The following ALCAM variants were observed in gnomAD, a reference collection of about 807,000 sequenced individuals.
ALCAM encodes the protein CD166 antigen.
A neutral mutation model predicts 70.9 loss-of-function variants in ALCAM; 30 were observed. The ratio of observed to expected loss-of-function variants is 0.42; its 90% CI spans 0.32 to 0.57. The LOEUF (loss-of-function observed/expected upper bound fraction) is 0.57, where lower values mean the gene tolerates loss of function less well. Ranked by LOEUF, ALCAM falls within the 20% of genes least tolerant of loss-of-function variation. The pLI is 0.11. For missense variants in ALCAM, 591 were observed against 695.1 expected, an observed-to-expected ratio of 0.85 and a Z score of 1.68; for synonymous variants, 249 against 242.5, an observed-to-expected ratio of 1.03 and a Z score of -0.25.
At chr3:105,402,938 C>CTTTTTTTTTTTTTTTTTT (rs58126212) in intron 1 of ALCAM, among the ~76,000 whole-genome samples, 1 of 117,254 alleles carries the variant, frequency 8.5e-6, no homozygotes, top group Non-Finnish European at 1.8e-5. Context: ...AGCTGATGCG[C>CTTTTTTTTTTTTTTTTTT]TTTTTTTTTT....
chr3:105,532,902 G>T (rs1353331122), intron 4 of ALCAM, among the ~76,000 whole-genome samples: 3 of 152,170 alleles, frequency 2.0e-5, no homozygotes, highest in Admixed American at 6.5e-5. Context: ...TTGAAGTAAA[G>T]AGGTGAGATC....
intron 6 of ALCAM, among the ~76,000 whole-genome samples, chr3:105,538,712 AG>A (rs1450347015): frequency 6.6e-6 from 1 of 152,144 alleles, no homozygotes; most frequent in Non-Finnish European, 1.5e-5. Flanking sequence ...CGGAAACGGA[AG>A]GTCAGCAGGG....
chr3:105,536,557 G>A (rs1385019614), intron 6 of ALCAM, among the ~76,000 whole-genome samples: 1 of 152,174 alleles, frequency 6.6e-6, no homozygotes, highest in South Asian at 2.1e-4. Flanking sequence ...GAGTTGGGTA[G>A]ACGGAGAAGT....
rs181314712 is a variant in ALCAM, at chr3:105,492,038, T to G, written c.74-28029T>G. Among the ~76,000 whole-genome samples the G allele has an allele frequency of 4.8e-4, 73 of 152,062 alleles. 1 individual carries two copies. Among genetic ancestry groups the G allele is most frequent in the Non-Finnish European group, 1.0e-3 (68 of 67,980 alleles). ...CTGGATAATTTATAAAGGAAAGAGGTTTAATGGACTCACAGTTCAGTATGG... is the reference window on the plus strand; with the variant it reads ...CTGGATAATTTATAAAGGAAAGAGGGTTAATGGACTCACAGTTCAGTATGG... On this transcript the variant is annotated intron_variant, in intron 1 of 15. Coordinates refer to ENST00000306107, the MANE Select transcript of ALCAM (RefSeq NM_001627.4).
At chr3:105,456,786 A>C (rs964187069) in intron 1 of ALCAM, among the ~76,000 whole-genome samples, 1 of 152,196 alleles carries the variant, frequency 6.6e-6, no homozygotes, top group Non-Finnish European at 1.5e-5. Context: ...AGACAAATGC[A>C]TAAGAGCTTC....
rs1395584800 is a variant in ALCAM at position 105,576,053 on chromosome 3, T to C, written c.*1602T>C. The C allele has an allele frequency of 6.6e-6, 1 of 152,264 alleles. No homozygotes were observed. Among genetic ancestry groups the C allele is most frequent in the African/African-American group, 2.4e-5 (1 of 41,440 alleles). 9.4% of individuals were successfully genotyped at this position (152,264 alleles called of 1,614,324 possible). A position where few individuals can be genotyped will look rare whatever the true frequency, so the allele number is the denominator to read the frequency against. On this transcript the variant is annotated 3_prime_UTR_variant, in exon 16 of 16. Transcript: ENST00000306107. Reference sequence around the variant, plus strand: ...ATAGTGACTCCGTTTAATAAAAGCTTCCGTAGTGCATTGGTATGGATTAAA... The same window carrying C: ...ATAGTGACTCCGTTTAATAAAAGCTCCCGTAGTGCATTGGTATGGATTAAA...
chr3:105,518,289 A>G (rs1939434752), intron 1 of ALCAM, among the ~76,000 whole-genome samples: 1 of 152,142 alleles, frequency 6.6e-6, no homozygotes. Context: ...TAAGGTATAG[A>G]GATGGATCCT....
chr3:105,386,746 C>A (rs1194655626), intron 1 of ALCAM, among the ~76,000 whole-genome samples: 1 of 151,304 alleles, frequency 6.6e-6, no homozygotes, highest in African/African-American at 2.4e-5. Context: ...AAAGTATATT[C>A]TTTCCCATCA....
intron 1 of ALCAM, among the ~76,000 whole-genome samples, chr3:105,379,487 GA>G (rs1193823817): frequency 6.6e-6 from 1 of 151,308 alleles, no homozygotes; most frequent in Non-Finnish European, 1.5e-5. Context: ...AAAAAAAAGA[GA>G]AAAAAACACG....
intron 1 of ALCAM, among the ~76,000 whole-genome samples, chr3:105,442,500 G>T: frequency 6.6e-6 from 1 of 152,024 alleles, no homozygotes; most frequent in Admixed American, 6.6e-5. Flanking sequence ...GAGTAAATTC[G>T]GCCAGGCGCG....
intron 1 of ALCAM, among the ~76,000 whole-genome samples, chr3:105,512,073 CTT>C (rs1335156271): frequency 6.6e-6 from 1 of 151,850 alleles, no homozygotes; most frequent in African/African-American, 2.4e-5. Context: ...GGCTAAAAGT[CTT>C]TGTGATATAT....
intron 1 of ALCAM, chr3:105,439,205 G>T (rs1485050235): frequency 6.6e-6 from 1 of 152,164 alleles, no homozygotes; most frequent in Non-Finnish European, 1.5e-5. Flanking sequence ...AAGAACTTTA[G>T]AATCATTAAT....
intron 1 of ALCAM, among the ~76,000 whole-genome samples, 175 bp from the exon 2 acceptor site, chr3:105,519,892 T>A (rs1939484829): frequency 6.6e-6 from 1 of 152,210 alleles, no homozygotes; most frequent in African/African-American, 2.4e-5. Context: ...TGGTAATTTT[T>A]AAATGGAAAA....
intron 1 of ALCAM, among the ~76,000 whole-genome samples, chr3:105,419,550 C>G (rs1007548021): frequency 6.6e-6 from 1 of 151,590 alleles, no homozygotes; most frequent in Non-Finnish European, 1.5e-5. Flanking sequence ...AGCAACTGCA[C>G]GATGTTTCAA....
At chr3:105,416,063 A>T (rs1235172068) in intron 1 of ALCAM, among the ~76,000 whole-genome samples, 9 of 152,000 alleles carry the variant, frequency 5.9e-5, no homozygotes, top group Admixed American at 5.9e-4. Flanking sequence ...TTGTCCCCAA[A>T]TTCAGCCCAT....
intron 3 of ALCAM, chr3:105,524,860 A>ATC: frequency 9.9e-7 from 1 of 1,008,860 alleles, no homozygotes; most frequent in Non-Finnish European, 1.2e-6. Flanking sequence ...TATATGATAT[A>ATC]TATGTAATCA....
At chr3:105,547,121 T>C (rs1229449474) in intron 9 of ALCAM, 28 bp from the exon 10 acceptor site, 1 of 1,504,632 alleles carries the variant, frequency 6.6e-7, no homozygotes, top group African/African-American at 1.4e-5. Flanking sequence ...TTCTGCCACA[T>C]GAGGTAATTT....
At chr3:105,564,081 A>G (rs1940691546) in intron 14 of ALCAM, among the ~76,000 whole-genome samples, 1 of 151,832 alleles carries the variant, frequency 6.6e-6, no homozygotes, top group African/African-American at 2.4e-5. Context: ...CCTAGCATGC[A>G]GTTTTTCCTT....
At chr3:105,381,605 T>C (rs919518951) in intron 1 of ALCAM, among the ~76,000 whole-genome samples, 5 of 151,976 alleles carry the variant, frequency 3.3e-5, no homozygotes, top group Non-Finnish European at 5.9e-5. Context: ...AAAAATGAGA[T>C]GCTTTGCAGC....
Sources: allele counts gnomAD v4.1 joint callset (sites outside exome capture counted in the v4.1 genomes callset), GRCh38; gene constraint gnomAD v4.1.1; transcripts MANE v1.5; gene names NCBI Gene and HGNC (gene_info 2026-07-23, HGNC 2026-07-21).